Variants in SEMA3C observed in about 807,000 individuals in gnomAD.
The protein encoded by SEMA3C is semaphorin-3C.
In SEMA3C, 47 loss-of-function variants were observed where a neutral mutation model predicts 89.4. The ratio of observed to expected loss-of-function variants is 0.53; its 90% CI spans 0.42 to 0.67. The LOEUF (loss-of-function observed/expected upper bound fraction) is 0.67, where lower values mean the gene tolerates loss of function less well. SEMA3C is among the 30% of genes least tolerant of loss of function. The probability of loss-of-function intolerance (pLI) is 0.00; values close to 1 mark genes in which losing one functional copy is unlikely to be tolerated. For synonymous variants in SEMA3C, 310 were observed against 320.2 expected (o/e 0.97, Z 0.34); for missense variants, 839 against 929.1 (o/e 0.90, Z 1.26).
intron 5 of SEMA3C, among the ~76,000 whole-genome samples, chr7:80,817,881 A>C (rs2115757424): frequency 6.6e-6 from 1 of 152,256 alleles, no homozygotes; most frequent in South Asian, 2.1e-4. Flanking sequence ...GAGAAGGTTA[A>C]GTTTATGCTA....
At chr7:80,909,098 G>C (rs1383853005) in intron 2 of SEMA3C, among the ~76,000 whole-genome samples, 1 of 152,018 alleles carries the variant, frequency 6.6e-6, no homozygotes, top group Admixed American at 6.6e-5. Context: ...GTGTGTGTGT[G>C]AGAGAGTTCT....
chr7:80,845,480 A>T (rs73372990), intron 2 of SEMA3C, among the ~76,000 whole-genome samples: 3,633 of 152,144 alleles, frequency 0.024, 144 homozygotes, highest in African/African-American at 0.079. Context: ...CAAGCAGCGA[A>T]TGGCACCAGC....
chr7:80,899,309 G>C (rs144327702), intron 2 of SEMA3C, among the ~76,000 whole-genome samples: 5,271 of 152,220 alleles, frequency 0.035, 110 homozygotes, highest in South Asian at 0.056. Flanking sequence ...CGAAAGTGCT[G>C]GGATTACAGG....
chr7:80,920,431 C>G (rs1021260846), upstream of SEMA3C, among the ~76,000 whole-genome samples: 1 of 152,112 alleles, frequency 6.6e-6, no homozygotes, highest in African/African-American at 2.4e-5. Flanking sequence ...ATAGAAAACC[C>G]CTCTGGGGGT....
chr7:80,832,139 G>GAGAT (rs1431717408), intron 2 of SEMA3C, among the ~76,000 whole-genome samples: 1 of 152,118 alleles, frequency 6.6e-6, no homozygotes, highest in Non-Finnish European at 1.5e-5. Flanking sequence ...GCAAAGCATA[G>GAGAT]AGATGACTTG....
intron 6 of SEMA3C, among the ~76,000 whole-genome samples, chr7:80,806,845 T>G (rs1789352891): frequency 6.6e-6 from 1 of 152,110 alleles, no homozygotes; most frequent in Non-Finnish European, 1.5e-5. Context: ...ATTGGAACAT[T>G]TCAAAGTACT....
intron 11 of SEMA3C, among the ~76,000 whole-genome samples, chr7:80,791,424 T>C (rs1788938240): frequency 6.6e-6 from 1 of 152,172 alleles, no homozygotes; most frequent in African/African-American, 2.4e-5. Context: ...AACACTATAT[T>C]TTTCTTGAAA....
At chr7:80,798,058 G>T (rs1789109128) in intron 11 of SEMA3C, 34 bp downstream of exon 11, 1 of 1,571,668 alleles carries the variant, frequency 6.4e-7, no homozygotes, top group African/African-American at 1.4e-5. Flanking sequence ...TTTTTATAAA[G>T]CATCATAACA....
At chr7:80,762,025 G>T (rs1193653783) in intron 13 of SEMA3C, among the ~76,000 whole-genome samples, 1 of 147,856 alleles carries the variant, frequency 6.8e-6, no homozygotes, top group Non-Finnish European at 1.5e-5. Flanking sequence ...GGAGGCGAAG[G>T]TTGTAGTGAG....
At chr7:80,848,156 T>C (rs1424870371) in intron 2 of SEMA3C, among the ~76,000 whole-genome samples, 4 of 152,230 alleles carry the variant, frequency 2.6e-5, no homozygotes, top group Non-Finnish European at 4.4e-5. Context: ...ATGTCTAGTT[T>C]GCTGTAATTA....
At chr7:80,764,563 G>GT (rs35732349) in intron 13 of SEMA3C, among the ~76,000 whole-genome samples, 34,863 of 150,820 alleles carry the variant, frequency 0.23, 4,955 homozygotes, top group African/African-American at 0.41. Flanking sequence ...CCTTGTGTAT[G>GT]TTTTTTTTTC....
At chr7:80,800,108 G>A (rs1229266138) in intron 10 of SEMA3C, among the ~76,000 whole-genome samples, 6 of 130,310 alleles carry the variant, frequency 4.6e-5, no homozygotes, top group East Asian at 2.3e-4. Context: ...AGCCGAGATC[G>A]CACCACTGCA....
At chr7:80,763,134 T>C (rs922422934) in intron 13 of SEMA3C, among the ~76,000 whole-genome samples, 2 of 152,172 alleles carry the variant, frequency 1.3e-5, no homozygotes, top group East Asian at 3.9e-4. Flanking sequence ...ACTAGACTTA[T>C]TGTCAGAAAA....
intron 2 of SEMA3C, among the ~76,000 whole-genome samples, chr7:80,881,164 A>ACAC (rs1791328973): frequency 3.0e-5 from 4 of 135,434 alleles, no homozygotes; most frequent in Non-Finnish European, 6.4e-5. Flanking sequence ...TGGAGAAAGA[A>ACAC]ACACACACAC....
At chr7:80,829,174 A>G (rs1789952237) in intron 2 of SEMA3C, among the ~76,000 whole-genome samples, 1 of 152,154 alleles carries the variant, frequency 6.6e-6, no homozygotes, top group Non-Finnish European at 1.5e-5. Flanking sequence ...CTCAAAAAAA[A>G]AAGTTATGTT....
intron 2 of SEMA3C, among the ~76,000 whole-genome samples, chr7:80,841,784 C>T (rs1790275341): frequency 6.6e-6 from 1 of 152,078 alleles, no homozygotes; most frequent in African/African-American, 2.4e-5. Flanking sequence ...TACCATAAAA[C>T]CTCAAATTTA....
At chr7:80,814,913 T>A (rs1396045324) in intron 5 of SEMA3C, among the ~76,000 whole-genome samples, 13 of 152,106 alleles carry the variant, frequency 8.5e-5, no homozygotes, top group Admixed American at 6.5e-4. Flanking sequence ...CAAACTAATC[T>A]CCTACAACTT....
intron 12 of SEMA3C, among the ~76,000 whole-genome samples, chr7:80,773,658 TG>T (rs1788483329): frequency 6.6e-6 from 1 of 152,138 alleles, no homozygotes; most frequent in South Asian, 2.1e-4. Context: ...TGTTTAAGCA[TG>T]GTGGTCCCAC....
rs1218920946 is a variant in SEMA3C, at chr7:80,805,687, T to C, written c.610A>G (p.Lys204Glu). Residue 204 changes from lysine (K) to glutamate (E), a missense_variant, in exon 7 of 18, where the codon AAG (lysine) becomes GAG (glutamate). Coordinates refer to ENST00000265361, the MANE Select transcript of SEMA3C (RefSeq NM_006379.5). ...TGATCAGTTCTGACCGCATTCCTCT[T>C]GGTTAAACTTCGAAAAATAGCAGCA... ...TDAAIFRSLT[K>E]RNAVRTDQHN... The C allele has an allele frequency of 6.2e-7, 1 of 1,611,880 alleles. No individual in the cohort carries two copies. Among genetic ancestry groups the C allele is most frequent in the Non-Finnish European group, 8.5e-7 (1 of 1,178,664 alleles).
Sources: gnomAD v4.1 joint callset for allele counts (sites outside exome capture counted in the v4.1 genomes callset) on GRCh38, gnomAD v4.1.1 for gene constraint, MANE v1.5 for transcripts, NCBI Gene and HGNC (gene_info 2026-07-23, HGNC 2026-07-21) for gene names.